Variants in MACROD2 observed in about 807,000 individuals in gnomAD.
The protein encoded by MACROD2 is mono-ADP ribosylhydrolase 2.
MACROD2 carries 36 observed loss-of-function variants against 70.4 expected under a neutral mutation model. The ratio of observed to expected loss-of-function variants is 0.51; its 90% CI spans 0.39 to 0.68. The LOEUF (loss-of-function observed/expected upper bound fraction) is 0.68, where lower values mean the gene tolerates loss of function less well. MACROD2 is among the 30% of genes least tolerant of loss of function. The pLI is 0.00. For synonymous variants in MACROD2, 172 were observed against 178.8 expected, an observed-to-expected ratio of 0.96 and a Z score of 0.30; for missense variants, 496 against 538.4, an observed-to-expected ratio of 0.92 and a Z score of 0.78.
chr20:15,747,135 A>G (rs190905522), intron 8 of MACROD2, among the ~76,000 whole-genome samples: 1 of 152,142 alleles, frequency 6.6e-6, no homozygotes, highest in African/African-American at 2.4e-5. Context: ...GAGTATCCTC[A>G]AAGTTCCTCC....
intron 6 of MACROD2, among the ~76,000 whole-genome samples, chr20:15,276,324 C>CG (rs1568685947): frequency 6.7e-6 from 1 of 150,334 alleles, no homozygotes; most frequent in Non-Finnish European, 1.5e-5. Context: ...GGCGTGAACC[C>CG]GGGAGGCGGA....
chr20:16,046,934 G>A (rs981581509), intron 17 of MACROD2, among the ~76,000 whole-genome samples: 11 of 151,836 alleles, frequency 7.2e-5, no homozygotes, highest in South Asian at 4.2e-4. Context: ...TACTTGCCTC[G>A]GCCTCCCAAA....
chr20:15,081,325 AT>A (rs1167234084), intron 5 of MACROD2, among the ~76,000 whole-genome samples: 6 of 152,160 alleles, frequency 3.9e-5, no homozygotes, highest in African/African-American at 1.4e-4. Context: ...TCTGACAGAG[AT>A]TTTTATGGGA....
intron 9 of MACROD2, among the ~76,000 whole-genome samples, chr20:15,873,991 T>C (rs979932628): frequency 1.3e-5 from 2 of 152,118 alleles, no homozygotes; most frequent in African/African-American, 4.8e-5. Flanking sequence ...GGTATACATG[T>C]GCCATGTTGG....
chr20:15,474,257 A>G (rs2046994255), intron 7 of MACROD2, among the ~76,000 whole-genome samples: 1 of 152,052 alleles, frequency 6.6e-6, no homozygotes, highest in Non-Finnish European at 1.5e-5. Context: ...TAGCTTTCCA[A>G]ATTGTATTTC....
At chr20:15,873,171 T>G (rs1195321681) in intron 9 of MACROD2, among the ~76,000 whole-genome samples, 1 of 152,206 alleles carries the variant, frequency 6.6e-6, no homozygotes, top group African/African-American at 2.4e-5. Flanking sequence ...CTAGTAATTG[T>G]CAAATTGTGC....
intron 8 of MACROD2, among the ~76,000 whole-genome samples, chr20:15,538,321 G>A (rs544222400): frequency 6.6e-6 from 1 of 152,238 alleles, no homozygotes; most frequent in South Asian, 2.1e-4. Context: ...ATTTTAAAGG[G>A]GTCTAGGGGT....
chr20:15,317,910 T>C (rs1568717715), intron 6 of MACROD2, among the ~76,000 whole-genome samples: 1 of 152,072 alleles, frequency 6.6e-6, no homozygotes, highest in Non-Finnish European at 1.5e-5. Context: ...CCCAGAATGA[T>C]GTTTGGCCAA....
At chr20:14,767,361 G>T (rs2072104485) in intron 5 of MACROD2, among the ~76,000 whole-genome samples, 2 of 152,036 alleles carry the variant, frequency 1.3e-5, no homozygotes, top group South Asian at 4.2e-4. Flanking sequence ...ACACTAGCTG[G>T]AACCAACTGT....
intron 4 of MACROD2, among the ~76,000 whole-genome samples, chr20:14,523,764 A>G (rs906861754): frequency 9.2e-5 from 14 of 152,168 alleles, no homozygotes. Context: ...TTTTCTGGGT[A>G]CCCCCAAATT....
intron 5 of MACROD2, among the ~76,000 whole-genome samples, chr20:14,989,979 G>A (rs60254775): frequency 0.031 from 4,724 of 152,138 alleles, 241 homozygotes; most frequent in African/African-American, 0.11. Context: ...ATGAGCTGTG[G>A]TTTCTCTGGG....
chr20:14,158,298 GTTGT>G (rs1392076412), intron 3 of MACROD2, among the ~76,000 whole-genome samples: 1 of 152,164 alleles, frequency 6.6e-6, no homozygotes, highest in African/African-American at 2.4e-5. Context: ...AAACTATTGA[GTTGT>G]TTGAGTTCCT....
chr20:15,613,087 T>C (rs1382365248), intron 8 of MACROD2, among the ~76,000 whole-genome samples: 1 of 152,218 alleles, frequency 6.6e-6, no homozygotes, highest in Non-Finnish European at 1.5e-5. Context: ...AAAATGAATA[T>C]GTTAAGAGAA....
At chr20:15,515,165 A>G (rs905447058) in intron 8 of MACROD2, among the ~76,000 whole-genome samples, 1 of 152,206 alleles carries the variant, frequency 6.6e-6, no homozygotes, top group Non-Finnish European at 1.5e-5. Context: ...ACCTTTTATT[A>G]TCCAGCCTGC....
intron 3 of MACROD2, among the ~76,000 whole-genome samples, chr20:14,252,362 G>T (rs1418524948): frequency 6.6e-6 from 1 of 151,864 alleles, no homozygotes; most frequent in East Asian, 1.9e-4. Context: ...AGTGGGCTTT[G>T]GTTGGCCACC....
At chr20:14,784,491 T>C (rs746129066) in intron 5 of MACROD2, among the ~76,000 whole-genome samples, 2 of 152,056 alleles carry the variant, frequency 1.3e-5, no homozygotes, top group African/African-American at 4.8e-5. Context: ...TTAAGTCGGG[T>C]TCATAGACAT....
chr20:14,768,283 C>T (rs553295251), intron 5 of MACROD2, among the ~76,000 whole-genome samples: 2 of 152,208 alleles, frequency 1.3e-5, no homozygotes, highest in South Asian at 2.1e-4. Context: ...TATTTCTCCA[C>T]ATCCTCTCTA....
chr20:14,518,856 C>A (rs768783038), intron 4 of MACROD2, among the ~76,000 whole-genome samples: 1 of 152,050 alleles, frequency 6.6e-6, no homozygotes, highest in African/African-American at 2.4e-5. Flanking sequence ...TGAGTGAGGT[C>A]TGGATTTCAC....
chr20:14,714,188 T>C (rs2071370488), intron 5 of MACROD2, among the ~76,000 whole-genome samples: 1 of 152,116 alleles, frequency 6.6e-6, no homozygotes, highest in African/African-American at 2.4e-5. Context: ...AGAGTCAGTA[T>C]TGCACTTTGA....
Sources: gnomAD v4.1 joint callset for allele counts (sites outside exome capture counted in the v4.1 genomes callset) on GRCh38, gnomAD v4.1.1 for gene constraint, MANE v1.5 for transcripts, NCBI Gene and HGNC (gene_info 2026-07-23, HGNC 2026-07-21) for gene names.